Variants in CHCHD6 observed in about 807,000 individuals in gnomAD.
CHCHD6 encodes the protein MICOS complex subunit MIC25.
In CHCHD6, 28 loss-of-function variants were observed where a neutral mutation model predicts 32.3. That is an observed-to-expected ratio of 0.87 (90% CI 0.64 to 1.19). The LOEUF is 1.19. Among genes scored for constraint, CHCHD6 ranks in the 50% most tolerant of loss-of-function variants. The probability of loss-of-function intolerance (pLI) is 0.00; values close to 1 mark genes in which losing one functional copy is unlikely to be tolerated. For synonymous variants in CHCHD6, 122 were observed against 117.5 expected (o/e 1.04, Z -0.25); for missense variants, 333 against 307.0 (o/e 1.08, Z -0.63).
intron 6 of CHCHD6, among the ~76,000 whole-genome samples, chr3:126,936,316 A>G (rs916522161): frequency 6.6e-6 from 1 of 152,184 alleles, no homozygotes; most frequent in African/African-American, 2.4e-5. Flanking sequence ...TGTTCATAGA[A>G]TACGAGGCCA....
chr3:126,792,375 C>T (rs901085587), intron 4 of CHCHD6, among the ~76,000 whole-genome samples: 13 of 151,766 alleles, frequency 8.6e-5, no homozygotes, highest in African/African-American at 3.1e-4. Context: ...AGCACTGCAC[C>T]ATTTTATATT....
intron 6 of CHCHD6, among the ~76,000 whole-genome samples, chr3:126,940,771 C>A (rs1686629034): frequency 6.6e-6 from 1 of 152,182 alleles, no homozygotes; most frequent in African/African-American, 2.4e-5. Context: ...GAGAAAAATA[C>A]CCTCACTTTT....
At chr3:126,801,177 G>T (rs1939047420) in intron 4 of CHCHD6, among the ~76,000 whole-genome samples, 1 of 152,238 alleles carries the variant, frequency 6.6e-6, no homozygotes, top group Non-Finnish European at 1.5e-5. Context: ...GAGGTACTGG[G>T]TTCATCTTAC....
chr3:126,813,851 A>G (rs530900187), intron 4 of CHCHD6, among the ~76,000 whole-genome samples: 28 of 152,340 alleles, frequency 1.8e-4, no homozygotes, highest in African/African-American at 6.7e-4. Context: ...TCAAAGCATC[A>G]GTGAATTGGA....
rs551967298 is a variant in CHCHD6 at position 126,719,082 on chromosome 3, G to A, written c.88-7996G>A. ...GCAGAACCCCCGCAGTGACCTCCTC[G>A]TGCCCTCAGATCAGATGTGAATGCT... On this transcript the variant is annotated intron_variant, in intron 1 of 7. Transcript: ENST00000290913. Among the ~76,000 whole-genome samples, 6 of 152,096 alleles carry A rather than the reference G, an allele frequency of 3.9e-5. No individual in the cohort carries two copies. The East Asian group carries it at 5.8e-4, about 15-fold the overall frequency.
chr3:126,787,327 T>A (rs1448057717), intron 4 of CHCHD6, among the ~76,000 whole-genome samples: 6 of 152,250 alleles, frequency 3.9e-5, no homozygotes, highest in Non-Finnish European at 8.8e-5. Flanking sequence ...TGGTTCCATA[T>A]GAACTTTAAA....
At chr3:126,870,028 T>A (rs1472104732) in intron 5 of CHCHD6, among the ~76,000 whole-genome samples, 1 of 152,204 alleles carries the variant, frequency 6.6e-6, no homozygotes, top group Admixed American at 6.5e-5. Context: ...AGCTCCCAGG[T>A]TGGAAAAGCA....
At chr3:126,954,633 C>T (rs1412322557) in intron 6 of CHCHD6, among the ~76,000 whole-genome samples, 6 of 152,228 alleles carry the variant, frequency 3.9e-5, no homozygotes, top group African/African-American at 1.4e-4. Flanking sequence ...CCATGACACA[C>T]AGGTCCCCTC....
intron 6 of CHCHD6, among the ~76,000 whole-genome samples, chr3:126,945,572 A>G: frequency 1.0e-5 from 1 of 96,916 alleles, no homozygotes; most frequent in African/African-American, 4.1e-5. Flanking sequence ...TGTAGGGGAG[A>G]CTCGGTGTGG....
intron 1 of CHCHD6, among the ~76,000 whole-genome samples, chr3:126,718,797 C>G (rs1025485880): frequency 6.6e-6 from 1 of 152,220 alleles, no homozygotes; most frequent in Non-Finnish European, 1.5e-5. Flanking sequence ...CTCCGGAGGC[C>G]TCCCCTCTGG....
chr3:126,889,496 C>T (rs1244462918), intron 5 of CHCHD6, among the ~76,000 whole-genome samples: 1 of 152,172 alleles, frequency 6.6e-6, no homozygotes, highest in Non-Finnish European at 1.5e-5. Context: ...CTCCTCAGCA[C>T]CCACCAGGGC....
At chr3:126,711,221 C>G (rs1037111054) in intron 1 of CHCHD6, among the ~76,000 whole-genome samples, 3 of 152,142 alleles carry the variant, frequency 2.0e-5, no homozygotes, top group African/African-American at 7.2e-5. Context: ...GGGTTACATG[C>G]TTGGATTAAT....
intron 6 of CHCHD6, among the ~76,000 whole-genome samples, chr3:126,942,610 G>A (rs916370402): frequency 6.6e-6 from 1 of 152,044 alleles, no homozygotes; most frequent in African/African-American, 2.4e-5. Flanking sequence ...CCTTTGGCAT[G>A]TCTCTTCATT....
intron 4 of CHCHD6, among the ~76,000 whole-genome samples, chr3:126,781,901 A>G (rs1212730698): frequency 6.6e-6 from 1 of 152,186 alleles, no homozygotes; most frequent in Non-Finnish European, 1.5e-5. Flanking sequence ...TGTCTTTGCC[A>G]GCAGTGAAGG....
Position 126,763,298 on chromosome 3 carries a change from C to A in CHCHD6, c.411+30076C>A, listed in dbSNP as rs1226513134. On this transcript the variant is annotated intron_variant, in intron 4 of 7. Coordinates refer to ENST00000290913, the MANE Select transcript of CHCHD6 (RefSeq NM_032343.3). ...CTCCCTTTCCCTCTTCTCCCTTTTT[C>A]CCCCTCTTCTCCCCTTTTTCCCCCT... Among the ~76,000 whole-genome samples, 5 of 114,130 alleles carry A rather than the reference C, an allele frequency of 4.4e-5. No individual in the cohort carries two copies. The South Asian group carries it at 2.4e-3, about 54-fold the overall frequency. 74.9% of individuals were successfully genotyped at this position (114,130 alleles called of 152,430 possible). A position where few individuals can be genotyped will look rare whatever the true frequency, so the allele number is the denominator to read the frequency against.
chr3:126,808,522 G>A (rs1939515385), intron 4 of CHCHD6, among the ~76,000 whole-genome samples: 1 of 152,094 alleles, frequency 6.6e-6, no homozygotes. Flanking sequence ...TATAAACTTT[G>A]TTTCTTGCCA....
At chr3:126,937,479 A>G (rs2078497229) in intron 6 of CHCHD6, among the ~76,000 whole-genome samples, 1 of 152,218 alleles carries the variant, frequency 6.6e-6, no homozygotes, top group Non-Finnish European at 1.5e-5. Context: ...AGATAATGCC[A>G]GACAGTGCTG....
chr3:126,815,063 T>C (rs1230193457), intron 4 of CHCHD6, among the ~76,000 whole-genome samples: 1 of 152,208 alleles, frequency 6.6e-6, no homozygotes, highest in Non-Finnish European at 1.5e-5. Context: ...GTATTGATTG[T>C]TGTGTGGTGT....
intron 5 of CHCHD6, among the ~76,000 whole-genome samples, chr3:126,912,878 G>A (rs1265911213): frequency 6.6e-6 from 1 of 152,234 alleles, no homozygotes; most frequent in Non-Finnish European, 1.5e-5. Flanking sequence ...GGCCTTAGAG[G>A]TGGGGGGTCC....
Sources: allele counts gnomAD v4.1 joint callset (sites outside exome capture counted in the v4.1 genomes callset), GRCh38; gene constraint gnomAD v4.1.1; transcripts MANE v1.5; gene names NCBI Gene and HGNC (gene_info 2026-07-23, HGNC 2026-07-21).